Variants in TRPM4 observed in about 807,000 individuals in gnomAD.
TRPM4 encodes the protein transient receptor potential cation channel subfamily M member 4, also known as calcium-activated non-selective cation channel 1.
A neutral mutation model predicts 135.6 loss-of-function variants in TRPM4; 124 were observed. The ratio of observed to expected loss-of-function variants is 0.91; its 90% CI spans 0.79 to 1.06. The LOEUF is 1.06. TRPM4 is among the 50% of genes least tolerant of loss of function. TRPM4 has a pLI of 0.00. For missense variants in TRPM4, 1,658 were observed against 1,671.4 expected, an observed-to-expected ratio of 0.99 and a Z score of 0.14; for synonymous variants, 745 against 705.6, an observed-to-expected ratio of 1.06 and a Z score of -0.88.
In TRPM4 at chr19:49,186,765, C is replaced by T. The variant is rs566761138; in HGVS notation, c.1744-1876C>T. Among the ~76,000 whole-genome samples the T allele has an allele frequency of 2.4e-3, 364 of 151,464 alleles. 2 individuals are homozygous for T. The highest frequency in any genetic ancestry group is 3.4e-3 in the Non-Finnish European group (228 of 67,926). The stretch of plus-strand genomic sequence containing the variant: ...GCGCATATCTGTAATTCCAGCTACT[C>T]GGGAGGCTGAGGCAGGAGAATTGCT... On this transcript the variant is annotated intron_variant, in intron 12 of 24. Transcript: ENST00000252826.
intron 12 of TRPM4, among the ~76,000 whole-genome samples, chr19:49,187,225 A>C (rs914850230): frequency 6.6e-5 from 10 of 151,154 alleles, no homozygotes. Context: ...TTTCGATTAG[A>C]TTCCAGAATT....
At chr19:49,190,546 C>A in intron 15 of TRPM4, 150 bp from the exon 16 acceptor site, 1 of 875,172 alleles carries the variant, frequency 1.1e-6, no homozygotes, top group South Asian at 1.6e-5. Context: ...GGCCATGGCT[C>A]TGGGGGAAGG....
At chr19:49,165,539 C>G (rs78542168) in intron 2 of TRPM4, among the ~76,000 whole-genome samples, 2,127 of 152,272 alleles carry the variant, frequency 0.014, 50 homozygotes, top group African/African-American at 0.047. Flanking sequence ...TCCCTGGCTC[C>G]TCATAGCTCC....
chr19:49,180,077 A>G (rs1353497175), intron 9 of TRPM4, among the ~76,000 whole-genome samples: 1 of 152,146 alleles, frequency 6.6e-6, no homozygotes, highest in African/African-American at 2.4e-5. Context: ...GCTCACCTCC[A>G]CTACATGAGA....
At chr19:49,185,485 C>T (rs1328698092) in intron 12 of TRPM4, among the ~76,000 whole-genome samples, 1 of 152,184 alleles carries the variant, frequency 6.6e-6, no homozygotes, top group Non-Finnish European at 1.5e-5. Flanking sequence ...AAGCAATCCT[C>T]CTGCCTGGGC....
chr19:49,167,245 C>A (rs1400232735), intron 3 of TRPM4, among the ~76,000 whole-genome samples: 3 of 121,028 alleles, frequency 2.5e-5, no homozygotes, highest in South Asian at 2.9e-4. Context: ...CTCTGTCCCT[C>A]TCTCTCTGGG....
rs8103023 is a variant in TRPM4 at position 49,204,494 on chromosome 19, G to T, written c.3131+2353G>T. Among the ~76,000 whole-genome samples the T allele has an allele frequency of 9.9e-5, 15 of 151,616 alleles. No homozygotes were observed. The South Asian group carries it at 2.9e-3, about 29-fold the overall frequency. ...TCATGCCTGTAATCCCAGCACTTTG[G>T]GGGGCTGAGGTGGGAGGATTGCTTG... On this transcript the variant is annotated intron_variant, in intron 20 of 24. Coordinates refer to ENST00000252826, the MANE Select transcript of TRPM4 (RefSeq NM_017636.4).
chr19:49,211,545 T>C lies in TRPM4; in HGVS notation c.*47T>C. The C allele has an allele frequency of 6.2e-7, 1 of 1,613,564 alleles. No individual in the cohort carries two copies. Among genetic ancestry groups the C allele is most frequent in the Non-Finnish European group, 8.5e-7 (1 of 1,179,858 alleles). ...GAGAAGCCCCCACAGGGGATTTTGC[T>C]CCTAGAGTAAGGCTCATCTGGGCCT... On this transcript the variant is annotated 3_prime_UTR_variant, in exon 25 of 25. Coordinates refer to ENST00000252826, the MANE Select transcript of TRPM4 (RefSeq NM_017636.4). This position sits in a 1 kb window ranked among gnomAD's most constrained non-coding sequence, Gnocchi z 4.8.
At chr19:49,193,987 T>C (rs1968517977) in intron 16 of TRPM4, among the ~76,000 whole-genome samples, 1 of 151,210 alleles carries the variant, frequency 6.6e-6, no homozygotes, top group Non-Finnish European at 1.5e-5. Flanking sequence ...CTCTTCCTCC[T>C]TCTCCTCATC....
intron 6 of TRPM4, among the ~76,000 whole-genome samples, 187 bp downstream of exon 6, chr19:49,168,923 A>G (rs1967345257): frequency 6.6e-6 from 1 of 151,778 alleles, no homozygotes; most frequent in Admixed American, 6.6e-5. Context: ...AGTAATCCCA[A>G]CACTTTGGGA....
chr19:49,190,758 G>A lies in TRPM4; in HGVS notation c.2195G>A (p.Gly732Glu). 2 of 1,614,150 alleles carry A rather than the reference G, an allele frequency of 1.2e-6. No individual in the cohort carries two copies. Among genetic ancestry groups the A allele is most frequent in the Non-Finnish European group, 1.7e-6 (2 of 1,180,014 alleles). ...TTTGACATGGATAGTGTCATTAATG[G>A]GGAAGGGCCTGTCGGGTGAGTGGAG... ...LEFDMDSVIN[G>E]EGPVGTADPA... The change falls in exon 16 of 25, where the codon GGG becomes GAG. Residue 732 changes from glycine to glutamate, a missense_variant. Coordinates refer to ENST00000252826, the MANE Select transcript of TRPM4 (RefSeq NM_017636.4).
intron 2 of TRPM4, 42 bp downstream of exon 2, chr19:49,158,301 C>T (rs777039255): frequency 1.9e-6 from 3 of 1,570,214 alleles, no homozygotes; most frequent in South Asian, 1.1e-5. Flanking sequence ...GGGTCCGCGG[C>T]CCGCTGACCC....
chr19:49,178,547 C>T (rs1315792057), intron 9 of TRPM4, among the ~76,000 whole-genome samples: 1 of 151,760 alleles, frequency 6.6e-6, no homozygotes, highest in Non-Finnish European at 1.5e-5. Flanking sequence ...AAGGACAGTA[C>T]CTGCGGGTCT....
In TRPM4 at chr19:49,173,075, C is replaced by A. The variant is rs80017716; in HGVS notation, c.1150+967C>A. Among the ~76,000 whole-genome samples, 1,343 of 135,394 alleles carry A rather than the reference C, an allele frequency of 9.9e-3. 28 individuals are homozygous for A. The highest frequency in any genetic ancestry group is 0.03 in the African/African-American group (1,044 of 35,056). 88.8% of individuals were successfully genotyped at this position (135,394 alleles called of 152,430 possible). ...ACCTGTCCATCCACACATCCACTGA[C>A]AATTCCATTCACTTATTCTTCCATC... On this transcript the variant is annotated intron_variant, in intron 9 of 24. Coordinates refer to ENST00000252826, the MANE Select transcript of TRPM4 (RefSeq NM_017636.4).
At position 49,182,830 on chromosome 19, in the gene TRPM4, G is replaced by A; in HGVS notation, c.1516G>A (p.Val506Met). ...GCTCCGGCCCCCTGACGTGGGGCATGTGCTGAGGATGCTGCTGGGGAAGAT... is the reference window on the plus strand; with the variant it reads ...GCTCCGGCCCCCTGACGTGGGGCATATGCTGAGGATGCTGCTGGGGAAGAT... ...AELRPPDVGH[V>M]LRMLLGKMCA... Residue 506 changes from valine (V) to methionine (M), a missense_variant, in exon 11 of 25, where the codon GTG (valine) becomes ATG (methionine). By Grantham distance (21) the Val-to-Met change is conservative (BLOSUM62 1). Coordinates refer to ENST00000252826, the MANE Select transcript of TRPM4 (RefSeq NM_017636.4). 6.2e-7 allele frequency: 1 copy of A among 1,613,270 alleles called. No homozygotes were observed. The highest frequency in any genetic ancestry group is 1.1e-5 in the South Asian group (1 of 91,052).
In TRPM4 at chr19:49,190,711, GC is replaced by G. The variant is rs1568479314; in HGVS notation, c.2151del (p.Thr718HisfsTer5). The G allele has an allele frequency of 6.2e-7, 1 of 1,614,058 alleles. No homozygotes were observed. Among genetic ancestry groups the G allele is most frequent in the East Asian group, 2.2e-5 (1 of 44,884 alleles). ...LITFRKSEEEPTREELEFDMD... is the reference protein window; with the variant it reads ...LITFRKSEEEXTREELEFDMD... ...CCCTTGCTAGGAAATCAGAAGAGGA[GC>G]CCACACGGGAGGAGCTAGAGTTTGA... On this transcript the variant is annotated frameshift_variant, in exon 16 of 25. Coordinates refer to ENST00000252826, the MANE Select transcript of TRPM4 (RefSeq NM_017636.4). LOFTEE classifies it high-confidence loss of function.
At position 49,171,806 on chromosome 19, in the gene TRPM4, G is replaced by A. The variant is rs765171365; in HGVS notation, c.1050+37G>A. On this transcript the variant is annotated intron_variant, in intron 8 of 24. Coordinates refer to ENST00000252826, the MANE Select transcript of TRPM4 (RefSeq NM_017636.4). The surrounding 1 kb of genome is among the most constrained non-coding windows in gnomAD (Gnocchi z 4.7). ...GGGGCCCAACTCTGGATCCTGAGAT[G>A]GGAGGGAACTGGGGACTTGGGCTCC... 1.3e-6 allele frequency: 2 copies of A among 1,597,092 alleles called. No homozygotes were observed. Among genetic ancestry groups the A allele is most frequent in the South Asian group, 1.1e-5 (1 of 90,350 alleles).
rs1303508986 is a variant in TRPM4, at chr19:49,203,035, T to C, written c.3131+894T>C. On this transcript the variant is annotated intron_variant, in intron 20 of 24. Transcript: ENST00000252826. ...CCTCCTGAGTAGCTGGGACTACAGGTGCCCGCCACCACGCCCAGCTAATTT... is the reference window on the plus strand; with the variant it reads ...CCTCCTGAGTAGCTGGGACTACAGGCGCCCGCCACCACGCCCAGCTAATTT... Among the ~76,000 whole-genome samples, 8 of 150,738 alleles carry C rather than the reference T, an allele frequency of 5.3e-5. No homozygotes were observed. In the East Asian group the frequency reaches 7.9e-4, roughly 15 times the overall value.
chr19:49,193,781 G>A (rs907533249), intron 16 of TRPM4, among the ~76,000 whole-genome samples: 1 of 152,144 alleles, frequency 6.6e-6, no homozygotes, highest in East Asian at 1.9e-4. Context: ...GGAGCTTGCT[G>A]TCCTCTCTGC....
Sources: allele counts gnomAD v4.1 joint callset (sites outside exome capture counted in the v4.1 genomes callset), GRCh38; gene constraint gnomAD v4.1.1; non-coding constraint Gnocchi (gnomAD v3.1); transcripts MANE v1.5; gene names NCBI Gene and HGNC (gene_info 2026-07-23, HGNC 2026-07-21).